Variants in RHEX observed in about 807,000 individuals in gnomAD.
RHEX encodes regulator of hemoglobinization and erythroid cell expansion.
RHEX carries 18 observed loss-of-function variants against 20.1 expected under a neutral mutation model. That is an observed-to-expected ratio of 0.90 (90% CI 0.62 to 1.33). RHEX has a LOEUF of 1.33. Among genes scored for constraint, RHEX ranks in the 40% most tolerant of loss-of-function variants. The pLI is 0.00. For missense variants in RHEX, 192 were observed against 214.3 expected, an observed-to-expected ratio of 0.90 and a Z score of 0.65; for synonymous variants, 87 against 77.1, an observed-to-expected ratio of 1.13 and a Z score of -0.67.
At chr1:206,060,434 C>G (rs1010760274) in intron 1 of RHEX, 4 of 152,450 alleles carry the variant, frequency 2.6e-5, no homozygotes, top group Non-Finnish European at 5.9e-5. Context: ...GAGACTAACA[C>G]TGCAGGACTC....
chr1:206,085,045 C>G (rs1553286309), intron 1 of RHEX, among the ~76,000 whole-genome samples: 1 of 152,184 alleles, frequency 6.6e-6, no homozygotes, highest in African/African-American at 2.4e-5. Flanking sequence ...TTTTCTTTCA[C>G]TGAATCAGTC....
chr1:206,060,958 T>G (rs558727407), intron 1 of RHEX: 1 of 152,080 alleles, frequency 6.6e-6, no homozygotes, highest in Non-Finnish European at 1.5e-5. Flanking sequence ...GAGGGTAATA[T>G]GAAGGAGATA....
intron 1 of RHEX, among the ~76,000 whole-genome samples, chr1:206,083,027 T>C (rs1662768925): frequency 6.6e-6 from 1 of 152,260 alleles, no homozygotes; most frequent in Non-Finnish European, 1.5e-5. Context: ...TGATGCTTAA[T>C]GACAAAGAAG....
chr1:206,093,524 C>T (rs1374179412), intron 1 of RHEX, among the ~76,000 whole-genome samples: 6 of 152,192 alleles, frequency 3.9e-5, no homozygotes, highest in African/African-American at 1.4e-4. Flanking sequence ...CCACCTCGGC[C>T]TCCCAAAGTG....
At chr1:206,056,336 A>G (rs1662194361) in intron 1 of RHEX, 2 of 152,460 alleles carry the variant, frequency 1.3e-5, no homozygotes, top group South Asian at 2.1e-4. Context: ...TGGTCCACGC[A>G]CAGCTGAAGC....
intron 1 of RHEX, among the ~76,000 whole-genome samples, chr1:206,085,564 T>A (rs1480936057): frequency 6.6e-6 from 1 of 152,194 alleles, no homozygotes; most frequent in Non-Finnish European, 1.5e-5. Context: ...CTCTAGTAGT[T>A]CCTTGCAAAA....
intron 1 of RHEX, among the ~76,000 whole-genome samples, chr1:206,097,357 C>T (rs548424435): frequency 5.5e-5 from 8 of 146,476 alleles, no homozygotes; most frequent in Non-Finnish European, 1.2e-4. Flanking sequence ...GATGCATGGA[C>T]GAATGGAGAG....
intron 1 of RHEX, among the ~76,000 whole-genome samples, chr1:206,075,327 A>G (rs1308981283): frequency 6.6e-6 from 1 of 152,238 alleles, no homozygotes; most frequent in Admixed American, 6.5e-5. Flanking sequence ...CTAAAAATGA[A>G]GACCTCAATC....
At chr1:206,061,359 C>T (rs1662305881) in intron 1 of RHEX, 1 of 152,154 alleles carries the variant, frequency 6.6e-6, no homozygotes, top group African/African-American at 2.4e-5. Context: ...ATTTAAGAAA[C>T]AACTGAGGCA....
At chr1:206,055,417 C>A (rs1263259427) in intron 1 of RHEX, among the ~76,000 whole-genome samples, 3 of 152,222 alleles carry the variant, frequency 2.0e-5, no homozygotes, top group African/African-American at 7.2e-5. Context: ...TAGAGTGGCA[C>A]TTGTGCTTTA....
intron 1 of RHEX, among the ~76,000 whole-genome samples, chr1:206,097,209 G>C (rs551972422): frequency 6.6e-6 from 1 of 152,276 alleles, no homozygotes; most frequent in Non-Finnish European, 1.5e-5. Flanking sequence ...CTCGCTCGCT[G>C]TCTGGGTCAG....
intron 1 of RHEX, chr1:206,062,085 C>G (rs1293660176): frequency 6.6e-6 from 1 of 152,344 alleles, no homozygotes; most frequent in African/African-American, 2.4e-5. Flanking sequence ...TGGTGCATGC[C>G]TGTAATCCCA....
chr1:206,069,703 A>C (rs1553284476), intron 1 of RHEX, among the ~76,000 whole-genome samples: 1 of 152,170 alleles, frequency 6.6e-6, no homozygotes, highest in Non-Finnish European at 1.5e-5. Flanking sequence ...ATGTGAAAAC[A>C]TCTATAAACA....
Position 206,056,835 on chromosome 1 carries a change from C to G in RHEX, c.-97+3570C>G, listed in dbSNP as rs538380441. 9.0e-4 allele frequency among the ~76,000 whole-genome samples: 137 copies of G among 152,270 alleles called. No individual in the cohort carries two copies. The Middle Eastern group carries it at 0.01, about 11-fold the overall frequency. The stretch of plus-strand genomic sequence containing the variant: ...AGTAAAAAAAAATAAGTATATCTGT[C>G]AAGAATCATATTTATGTGAGATGTG... On this transcript the variant is annotated intron_variant, in intron 1 of 5. Transcript: ENST00000331555.
At chr1:206,054,096 T>C (rs1662134769) in intron 1 of RHEX, among the ~76,000 whole-genome samples, 1 of 146,156 alleles carries the variant, frequency 6.8e-6, no homozygotes, top group Non-Finnish European at 1.5e-5. Context: ...AAAGTTTGCT[T>C]TAAAAAAAAA....
intron 1 of RHEX, among the ~76,000 whole-genome samples, chr1:206,053,806 G>A (rs1662119141): frequency 6.6e-6 from 1 of 152,210 alleles, no homozygotes; most frequent in Admixed American, 6.5e-5. Context: ...GAAAGTTACA[G>A]CTGCTTTTAT....
chr1:206,094,169 GGTGTGTGTGTGT>G (rs66885504), intron 1 of RHEX, among the ~76,000 whole-genome samples: 15 of 148,682 alleles, frequency 1.0e-4, no homozygotes, highest in Admixed American at 6.0e-4. Flanking sequence ...CTGGTTATTT[GGTGTGTGTGTGT>G]GTGTGTGTGT....
Position 206,073,037 on chromosome 1 carries a change from CA to C in RHEX, c.-97+19773del, listed in dbSNP as rs372039346. On this transcript the variant is annotated intron_variant, in intron 1 of 5. Transcript: ENST00000331555. Reference sequence around the variant, plus strand: ...ATTTTTGGTAGAGACAGGGTTTCGCCATATTCCCCAGGCTGGTCACAAACTC... The same window carrying C: ...ATTTTTGGTAGAGACAGGGTTTCGCCTATTCCCCAGGCTGGTCACAAACTC... 4.1e-3 allele frequency among the ~76,000 whole-genome samples: 624 copies of C among 152,132 alleles called. 5 individuals carry two copies. Among genetic ancestry groups the C allele is most frequent in the African/African-American group, 0.014 (577 of 41,490 alleles).
At chr1:206,099,441 C>T (rs1183663719) in intron 3 of RHEX, among the ~76,000 whole-genome samples, 5 of 152,008 alleles carry the variant, frequency 3.3e-5, no homozygotes, top group Admixed American at 2.6e-4. Flanking sequence ...GCCTCAGCCT[C>T]CCTAGTATCT....
Sources: gnomAD v4.1 joint callset for allele counts (sites outside exome capture counted in the v4.1 genomes callset) on GRCh38, gnomAD v4.1.1 for gene constraint, MANE v1.5 for transcripts, NCBI Gene and HGNC (gene_info 2026-07-23, HGNC 2026-07-21) for gene names.